The following SFMBT2 variants were observed in gnomAD, a reference collection of about 807,000 sequenced individuals.
SFMBT2 encodes scm-like with four MBT domains protein 2.
In SFMBT2, 38 loss-of-function variants were observed where a neutral mutation model predicts 110.1. The ratio of observed to expected loss-of-function variants is 0.35; its 90% CI spans 0.27 to 0.45. SFMBT2 has a LOEUF of 0.45. Among genes scored for constraint, SFMBT2 ranks in the 20% least tolerant of loss-of-function variants. The pLI, the probability that SFMBT2 is intolerant of heterozygous loss-of-function variation, is 1.00. For missense variants in SFMBT2, 1,011 were observed against 1,094.9 expected (o/e 0.92, Z 1.08); for synonymous variants, 425 against 425.4 (o/e 1.00, Z 0.01).
intron 4 of SFMBT2, among the ~76,000 whole-genome samples, chr10:7,327,297 C>A (rs1326150130): frequency 6.6e-6 from 1 of 152,048 alleles, no homozygotes; most frequent in Non-Finnish European, 1.5e-5. Context: ...TTTCCATTCC[C>A]ACCACCACCA....
intron 9 of SFMBT2, among the ~76,000 whole-genome samples, chr10:7,229,727 G>GC (rs1554790362): frequency 6.9e-6 from 1 of 145,652 alleles, no homozygotes; most frequent in Admixed American, 6.8e-5. Context: ...TGTTGTTGTT[G>GC]TTTTTTTTTT....
At chr10:7,375,751 C>CCACACA (rs35306837) in intron 2 of SFMBT2, among the ~76,000 whole-genome samples, 2,575 of 124,726 alleles carry the variant, frequency 0.021, 49 homozygotes, top group Non-Finnish European at 0.029. Context: ...AAAGAAAAAA[C>CCACACA]CACACACACA....
chr10:7,311,868 G>C (rs187357641), intron 4 of SFMBT2, among the ~76,000 whole-genome samples: 1 of 152,262 alleles, frequency 6.6e-6, no homozygotes, highest in Admixed American at 6.5e-5. Flanking sequence ...TTCCTGAAAA[G>C]GTCATTTGTA....
At chr10:7,233,489 G>T (rs140313126) in intron 9 of SFMBT2, among the ~76,000 whole-genome samples, 5 of 152,320 alleles carry the variant, frequency 3.3e-5, no homozygotes, top group African/African-American at 1.2e-4. Context: ...TCTATTAAAT[G>T]TTAGAAGAGC....
At chr10:7,271,291 CAAAAAAA>C (rs56364927) in intron 7 of SFMBT2, among the ~76,000 whole-genome samples, 5 of 97,564 alleles carry the variant, frequency 5.1e-5, no homozygotes, top group African/African-American at 1.2e-4. Flanking sequence ...AGATTGCCTC[CAAAAAAA>C]AAAAAAAAAA....
intron 4 of SFMBT2, among the ~76,000 whole-genome samples, chr10:7,338,026 C>G (rs1192502770): frequency 2.0e-5 from 3 of 152,238 alleles, no homozygotes; most frequent in African/African-American, 7.2e-5. Flanking sequence ...GATGTCTCCA[C>G]TATCCATGCT....
chr10:7,222,674 CTT>C (rs1288314711), intron 10 of SFMBT2, among the ~76,000 whole-genome samples: 7 of 144,800 alleles, frequency 4.8e-5, no homozygotes, highest in Admixed American at 6.9e-5. Flanking sequence ...TCCCCATCTT[CTT>C]TTTTTTTTTT....
At chr10:7,219,219 C>T (rs1378249335) in intron 11 of SFMBT2, among the ~76,000 whole-genome samples, 1 of 152,234 alleles carries the variant, frequency 6.6e-6, no homozygotes, top group East Asian at 1.9e-4. Context: ...TGTTCTATTC[C>T]TGTAAGCTAC....
At chr10:7,182,510 A>G (rs1483917648) in intron 16 of SFMBT2, among the ~76,000 whole-genome samples, 2 of 152,138 alleles carry the variant, frequency 1.3e-5, no homozygotes, top group African/African-American at 4.8e-5. Flanking sequence ...AATGTGGCAC[A>G]TATACACCAT....
intron 7 of SFMBT2, among the ~76,000 whole-genome samples, chr10:7,250,058 AAGGAAATT>A (rs1840752467): frequency 6.6e-6 from 1 of 152,234 alleles, no homozygotes; most frequent in Non-Finnish European, 1.5e-5. Flanking sequence ...GGAAAAGTAC[AAGGAAATT>A]AGGTGCAGGT....
At chr10:7,291,181 AG>A (rs1203727168) in intron 4 of SFMBT2, among the ~76,000 whole-genome samples, 14 of 152,204 alleles carry the variant, frequency 9.2e-5, no homozygotes, top group Admixed American at 9.2e-4. Flanking sequence ...CAGCTGCCCC[AG>A]GCCTACCCAT....
rs1448707922 is a variant in SFMBT2, at chr10:7,298,697, ATG to A, written c.437-12745_437-12744del. ...TGCATGTGTATACGTGTACTTGCATATGTGTGTGCATATGTGCGTATGTATGT... is the reference window on the plus strand; with the variant it reads ...TGCATGTGTATACGTGTACTTGCATATGTGTGCATATGTGCGTATGTATGT... On this transcript the variant is annotated intron_variant, in intron 4 of 20. Coordinates refer to ENST00000397167, the MANE Select transcript of SFMBT2 (RefSeq NM_001387889.1). 5.3e-5 allele frequency among the ~76,000 whole-genome samples: 8 copies of A among 151,852 alleles called. No homozygotes were observed. The East Asian group carries it at 1.5e-3, about 29-fold the overall frequency.
Position 7,330,145 on chromosome 10 carries a change from A to G in SFMBT2, c.436+37504T>C, listed in dbSNP as rs534833378. Among the ~76,000 whole-genome samples, 150 of 152,114 alleles carry G rather than the reference A, an allele frequency of 9.9e-4. 1 individual carries two copies. The highest frequency in any genetic ancestry group is 5.6e-4 in the Non-Finnish European group (38 of 67,966). Reference sequence around the variant, plus strand: ...TGTAAACGTTTTTTAGAGAAGGGGGATCTCTTTATTATCCCCCTTACAACT... The same window carrying G: ...TGTAAACGTTTTTTAGAGAAGGGGGGTCTCTTTATTATCCCCCTTACAACT... On this transcript the variant is annotated intron_variant, in intron 4 of 20. Coordinates refer to ENST00000397167, the MANE Select transcript of SFMBT2 (RefSeq NM_001387889.1).
At chr10:7,252,380 A>G (rs1233215189) in intron 7 of SFMBT2, among the ~76,000 whole-genome samples, 1 of 152,146 alleles carries the variant, frequency 6.6e-6, no homozygotes, top group African/African-American at 2.4e-5. Context: ...TGCGGACTGT[A>G]TTGGAAATGC....
At chr10:7,349,440 CTTTTTTTTTTT>C (rs369479041) in intron 4 of SFMBT2, among the ~76,000 whole-genome samples, 1 of 46,886 alleles carries the variant, frequency 2.1e-5, no homozygotes, top group East Asian at 7.7e-4. Context: ...CTTTTCTTTT[CTTTTTTTTTTT>C]TTTTTTTTTT....
chr10:7,320,368 G>T (rs1029570895), intron 4 of SFMBT2, among the ~76,000 whole-genome samples: 14 of 152,208 alleles, frequency 9.2e-5, no homozygotes, highest in Non-Finnish European at 1.9e-4. Context: ...AATGAAACAA[G>T]CCGGAGGGTC....
intron 15 of SFMBT2, among the ~76,000 whole-genome samples, chr10:7,192,310 G>C (rs566407357): frequency 6.6e-6 from 1 of 152,104 alleles, no homozygotes; most frequent in African/African-American, 2.4e-5. Context: ...ATATCACATG[G>C]AAAAGTCCTC....
At chr10:7,204,043 G>C (rs1050569712) in intron 12 of SFMBT2, 2 of 243,536 alleles carry the variant, frequency 8.2e-6, no homozygotes, top group African/African-American at 4.6e-5. Flanking sequence ...TAAGAGACAG[G>C]GGAAAAGAAT....
intron 2 of SFMBT2, among the ~76,000 whole-genome samples, chr10:7,372,116 C>T (rs1845080137): frequency 6.6e-6 from 1 of 151,874 alleles, no homozygotes; most frequent in Admixed American, 6.6e-5. Context: ...TGGGGTTTCG[C>T]CATGTTGGGC....
Sources: gnomAD v4.1 joint callset for allele counts (sites outside exome capture counted in the v4.1 genomes callset) on GRCh38, gnomAD v4.1.1 for gene constraint, MANE v1.5 for transcripts, NCBI Gene and HGNC (gene_info 2026-07-23, HGNC 2026-07-21) for gene names.